The following RBFOX1 variants were observed in gnomAD, a reference collection of about 807,000 sequenced individuals.
RBFOX1 encodes the protein RNA binding protein fox-1 homolog 1.
In RBFOX1, 8 loss-of-function variants were observed where a neutral mutation model predicts 57.7. That is an observed-to-expected ratio of 0.14 (90% confidence interval 0.08 to 0.25). The LOEUF is 0.25. RBFOX1 is among the 10% of genes least tolerant of loss of function. The pLI is 1.00. For missense variants in RBFOX1, 611 were observed against 548.5 expected (o/e 1.11, Z -1.14); for synonymous variants, 326 against 222.4 (o/e 1.47, Z -4.15).
chr16:5,443,835 C>G (rs966767294), intron 1 of RBFOX1, among the ~76,000 whole-genome samples: 6 of 152,140 alleles, frequency 3.9e-5, no homozygotes, highest in Admixed American at 3.9e-4. Context: ...GAATGGTCAC[C>G]TATTTTTTGA....
At chr16:5,795,903 G>C (rs958593611) in intron 3 of RBFOX1, among the ~76,000 whole-genome samples, 2 of 152,080 alleles carry the variant, frequency 1.3e-5, no homozygotes, top group Non-Finnish European at 2.9e-5. Flanking sequence ...TAGTTCTTTT[G>C]TTTGCTCTAC....
intron 3 of RBFOX1, among the ~76,000 whole-genome samples, chr16:7,039,239 C>A (rs73541041): frequency 0.048 from 7,354 of 152,186 alleles, 585 homozygotes; most frequent in African/African-American, 0.17. Flanking sequence ...TTACGTATAA[C>A]AACAAATCCA....
rs193044586 is a variant in RBFOX1, at chr16:7,003,430, A to G, written c.-15-48627A>G. ...AGCAGAGATTGCGCCACTGTACTGCAGCCTGGTGACAGAGCGAGACTCCAT... is the reference window on the plus strand; with the variant it reads ...AGCAGAGATTGCGCCACTGTACTGCGGCCTGGTGACAGAGCGAGACTCCAT... On this transcript the variant is annotated intron_variant, in intron 3 of 15. Transcript: ENST00000550418. 2.8e-3 allele frequency among the ~76,000 whole-genome samples: 426 copies of G among 151,672 alleles called. 7 individuals are homozygous for G. Among genetic ancestry groups the G allele is most frequent in the Admixed American group, 0.025 (380 of 15,184 alleles).
At chr16:5,798,667 G>T (rs913234213) in intron 3 of RBFOX1, among the ~76,000 whole-genome samples, 5 of 152,196 alleles carry the variant, frequency 3.3e-5, no homozygotes, top group African/African-American at 9.6e-5. Context: ...TGTCAAATGG[G>T]ACTTATGAGA....
intron 3 of RBFOX1, among the ~76,000 whole-genome samples, chr16:6,737,113 C>T (rs996128810): frequency 1.3e-5 from 2 of 152,132 alleles, no homozygotes; most frequent in African/African-American, 4.8e-5. Context: ...ATAGTCCCTG[C>T]CTTCATTGGG....
At chr16:5,353,664 A>C (rs938550008) in intron 1 of RBFOX1, among the ~76,000 whole-genome samples, 2 of 151,602 alleles carry the variant, frequency 1.3e-5, no homozygotes, top group Non-Finnish European at 2.9e-5. Flanking sequence ...TTTTAAAGTC[A>C]CTTTGATGAG....
rs75048453 is a variant in RBFOX1, at chr16:6,316,710, C to T, written c.-126-285C>T. Among the ~76,000 whole-genome samples, 69 of 152,212 alleles carry T rather than the reference C, an allele frequency of 4.5e-4. No homozygotes were observed. In the East Asian group the frequency reaches 8.3e-3, roughly 18 times the overall value. On this transcript the variant is annotated intron_variant, in intron 1 of 15. Coordinates refer to ENST00000550418, the MANE Select transcript of RBFOX1 (RefSeq NM_018723.4). ...GTTCAAATTCAGGCTTCACGATGTA[C>T]ATGCATGTCTTGTCAACTGTGGGAG...
At chr16:5,619,630 A>G (rs1389413217) in intron 3 of RBFOX1, among the ~76,000 whole-genome samples, 1 of 152,094 alleles carries the variant, frequency 6.6e-6, no homozygotes, top group Non-Finnish European at 1.5e-5. Flanking sequence ...GCTTTCCTTT[A>G]CACACCATTA....
chr16:7,109,387 T>A (rs932377543), intron 4 of RBFOX1, among the ~76,000 whole-genome samples: 1 of 152,000 alleles, frequency 6.6e-6, no homozygotes, highest in Admixed American at 6.6e-5. Flanking sequence ...GCCAATGAGA[T>A]TATTGAGTTA....
chr16:5,483,919 C>A (rs1342657663), intron 2 of RBFOX1, among the ~76,000 whole-genome samples: 1 of 150,116 alleles, frequency 6.7e-6, no homozygotes, highest in Admixed American at 6.6e-5. Context: ...GCTTGTGATC[C>A]CAGCACTTTG....
At chr16:6,570,522 C>A (rs1382822995) in intron 2 of RBFOX1, among the ~76,000 whole-genome samples, 3 of 152,018 alleles carry the variant, frequency 2.0e-5, no homozygotes, top group Non-Finnish European at 4.4e-5. Context: ...CACATACATA[C>A]ACATATAAAA....
intron 3 of RBFOX1, among the ~76,000 whole-genome samples, chr16:6,656,719 T>C (rs1003851512): frequency 6.6e-6 from 1 of 152,132 alleles, no homozygotes; most frequent in Non-Finnish European, 1.5e-5. Flanking sequence ...TTTTCTAAAC[T>C]TGACCTCATA....
intron 4 of RBFOX1, among the ~76,000 whole-genome samples, chr16:5,883,629 G>C (rs763331061): frequency 3.3e-5 from 5 of 152,130 alleles, no homozygotes; most frequent in African/African-American, 4.8e-5. Context: ...AAGGCTGAGA[G>C]CATGCTTGAG....
chr16:7,648,430 T>G lies in RBFOX1; in HGVS notation c.758-5385T>G, dbSNP rs550612618. ...AGTAGAGACGGGGTTACATCATGTTTCCCAGGATGATCTTGATCTCTTGAC... is the reference window on the plus strand; with the variant it reads ...AGTAGAGACGGGGTTACATCATGTTGCCCAGGATGATCTTGATCTCTTGAC... On this transcript the variant is annotated intron_variant, in intron 11 of 15. Transcript: ENST00000550418. Among the ~76,000 whole-genome samples, 399 of 152,186 alleles carry G rather than the reference T, an allele frequency of 2.6e-3. 2 individuals are homozygous for G. The highest frequency in any genetic ancestry group is 4.2e-3 in the Admixed American group (64 of 15,292).
At chr16:7,122,004 T>C (rs969190162) in intron 4 of RBFOX1, among the ~76,000 whole-genome samples, 1 of 151,978 alleles carries the variant, frequency 6.6e-6, no homozygotes, top group Non-Finnish European at 1.5e-5. Flanking sequence ...AAAAATTAAC[T>C]CAAAATGGAT....
At chr16:5,265,723 C>T (rs576310788) in intron 1 of RBFOX1, among the ~76,000 whole-genome samples, 2 of 152,326 alleles carry the variant, frequency 1.3e-5, no homozygotes, top group East Asian at 1.9e-4. Flanking sequence ...GGCTTGGCAA[C>T]AGCCTGACTA....
chr16:7,450,167 G>T (rs1265630397), intron 4 of RBFOX1, among the ~76,000 whole-genome samples: 1 of 152,034 alleles, frequency 6.6e-6, no homozygotes, highest in African/African-American at 2.4e-5. Flanking sequence ...AGATGGAGGT[G>T]GGTGGATCAC....
intron 1 of RBFOX1, among the ~76,000 whole-genome samples, chr16:6,086,700 C>A (rs992437587): frequency 6.6e-6 from 1 of 152,134 alleles, no homozygotes; most frequent in African/African-American, 2.4e-5. Context: ...TGAAGAATAC[C>A]TTCTTTTGTG....
intron 2 of RBFOX1, among the ~76,000 whole-genome samples, chr16:6,502,013 G>A (rs931472561): frequency 6.6e-6 from 1 of 152,146 alleles, no homozygotes; most frequent in Non-Finnish European, 1.5e-5. Flanking sequence ...CCTTGATTTG[G>A]AATGCCTGCT....
Sources: gnomAD v4.1 joint callset for allele counts (sites outside exome capture counted in the v4.1 genomes callset) on GRCh38, gnomAD v4.1.1 for gene constraint, MANE v1.5 for transcripts, NCBI Gene and HGNC (gene_info 2026-07-23, HGNC 2026-07-21) for gene names.